The following FAM83B variants were observed in gnomAD, a reference collection of about 807,000 sequenced individuals.
The protein encoded by FAM83B is protein FAM83B.
FAM83B carries 26 observed loss-of-function variants against 38.8 expected under a neutral mutation model. That is an observed-to-expected ratio of 0.67 (90% CI 0.49 to 0.93). The LOEUF (loss-of-function observed/expected upper bound fraction) is 0.93. Ranked by LOEUF, FAM83B falls within the 40% of genes least tolerant of loss-of-function variation. The probability of loss-of-function intolerance (pLI) is 0.00; values close to 1 mark genes in which losing one functional copy is unlikely to be tolerated. For synonymous variants in FAM83B, 419 were observed against 423.1 expected (o/e 0.99, Z 0.12); for missense variants, 1,237 against 1,197.3 (o/e 1.03, Z -0.49).
At chr6:54,918,186 G>T (rs1773089712) in intron 2 of FAM83B, among the ~76,000 whole-genome samples, 1 of 152,114 alleles carries the variant, frequency 6.6e-6, no homozygotes, top group South Asian at 2.1e-4. Context: ...GAAAAATTAT[G>T]AATGCTTCAT....
Position 54,870,768 on chromosome 6 carries a change from G to A in FAM83B, c.444+78G>A, listed in dbSNP as rs897451086. 2.8e-5 allele frequency: 36 copies of A among 1,302,464 alleles called. No individual in the cohort carries two copies. In the African/African-American group the frequency reaches 5.2e-4, roughly 19 times the overall value. The allele number at this position is 1,302,464 out of a possible 1,614,324, so 80.7% of individuals were successfully genotyped here. A position where few individuals can be genotyped will look rare whatever the true frequency, so the allele number is the denominator to read the frequency against. ...AGAGAGTAATAACACAAATATGTAT[G>A]TTAATAAAAGAATCTCTATATGTAT... On this transcript the variant is annotated intron_variant, in intron 2 of 4. Transcript: ENST00000306858.
chr6:54,936,099 C>T (rs2127590629), intron 4 of FAM83B, among the ~76,000 whole-genome samples: 1 of 152,190 alleles, frequency 6.6e-6, no homozygotes, highest in Middle Eastern at 3.4e-3. Context: ...TAGAAATCAC[C>T]TACGATAATA....
chr6:54,905,080 A>G (rs1309881736), intron 2 of FAM83B, among the ~76,000 whole-genome samples: 1 of 151,396 alleles, frequency 6.6e-6, no homozygotes, highest in Admixed American at 6.8e-5. Flanking sequence ...CAGGGCACCT[A>G]GTGGGAATAA....
At chr6:54,904,814 T>C (rs1471469836) in intron 2 of FAM83B, among the ~76,000 whole-genome samples, 1 of 152,152 alleles carries the variant, frequency 6.6e-6, no homozygotes, top group African/African-American at 2.4e-5. Context: ...TGGCAAATAC[T>C]ACCAGCTTTG....
chr6:54,849,259 G>A (rs1771210116), intron 1 of FAM83B, among the ~76,000 whole-genome samples: 2 of 152,184 alleles, frequency 1.3e-5, no homozygotes. Context: ...CCTTCAGTGG[G>A]AGCTTCCTTC....
At chr6:54,932,951 A>T (rs1377648388) in intron 4 of FAM83B, among the ~76,000 whole-genome samples, 1 of 152,130 alleles carries the variant, frequency 6.6e-6, no homozygotes, top group Non-Finnish European at 1.5e-5. Context: ...TTTTGGATTT[A>T]TCCCAGTTTG....
At chr6:54,894,875 G>T (rs911855890) in intron 2 of FAM83B, among the ~76,000 whole-genome samples, 1 of 152,216 alleles carries the variant, frequency 6.6e-6, no homozygotes, top group South Asian at 2.1e-4. Flanking sequence ...GATCCAGACT[G>T]CCTGGCTTTG....
chr6:54,919,789 A>G (rs1486330210), intron 2 of FAM83B, among the ~76,000 whole-genome samples: 1 of 151,968 alleles, frequency 6.6e-6, no homozygotes, highest in African/African-American at 2.4e-5. Flanking sequence ...ATGTCTATTT[A>G]TATTATTTTA....
In FAM83B at chr6:54,940,863, A is replaced by G; in HGVS notation, c.1892A>G (p.His631Arg). The G allele has an allele frequency of 6.2e-7, 1 of 1,614,066 alleles. No homozygotes were observed. Among genetic ancestry groups the G allele is most frequent in the Non-Finnish European group, 8.5e-7 (1 of 1,179,976 alleles). The change falls in exon 5 of 5, where the codon CAT becomes CGT. Residue 631 changes from histidine (H) to arginine (R), a missense_variant. Coordinates refer to ENST00000306858, the MANE Select transcript of FAM83B (RefSeq NM_001010872.3). ...SVALNQTTNG[H>R]TESNNYIYKT... is the part of the protein sequence containing the mutation. ...GCCTTAAACCAAACTACAAATGGCC[A>G]TACTGAATCAAATAACTATATATAT...
At chr6:54,888,430 A>G (rs779170828) in intron 2 of FAM83B, among the ~76,000 whole-genome samples, 2 of 151,864 alleles carry the variant, frequency 1.3e-5, no homozygotes, top group Non-Finnish European at 1.5e-5. Flanking sequence ...TTTTGTTACC[A>G]GTCTGTTGGC....
chr6:54,905,464 A>T (rs949858623), intron 2 of FAM83B, among the ~76,000 whole-genome samples: 1 of 152,204 alleles, frequency 6.6e-6, no homozygotes, highest in Middle Eastern at 3.2e-3. Context: ...GCTAATTAAC[A>T]TATCTTTCAC....
intron 1 of FAM83B, among the ~76,000 whole-genome samples, chr6:54,858,544 C>A (rs991813110): frequency 6.6e-6 from 1 of 151,314 alleles, no homozygotes; most frequent in Non-Finnish European, 1.5e-5. Flanking sequence ...ATATACATAA[C>A]CATAATTTAT....
intron 2 of FAM83B, among the ~76,000 whole-genome samples, chr6:54,881,281 C>T (rs1253509054): frequency 1.3e-5 from 2 of 152,176 alleles, no homozygotes; most frequent in Non-Finnish European, 2.9e-5. Flanking sequence ...CATACCAGTG[C>T]TGATATGGTG....
In FAM83B at chr6:54,940,854, C is replaced by A. The variant is rs1773664879; in HGVS notation, c.1883C>A (p.Thr628Lys). Residue 628 changes from threonine to lysine, a missense_variant, in exon 5 of 5, where the codon ACA becomes AAA. Physicochemically the swap from Thr to Lys is moderately conservative, Grantham distance 78. Coordinates refer to ENST00000306858, the MANE Select transcript of FAM83B (RefSeq NM_001010872.3). ...CACTCAGTAGCCTTAAACCAAACTACAAATGGCCATACTGAATCAAATAAC... is the reference window on the plus strand; with the variant it reads ...CACTCAGTAGCCTTAAACCAAACTAAAAATGGCCATACTGAATCAAATAAC... ...ENHSVALNQT[T>K]NGHTESNNYI... 1 of 1,614,024 alleles carries A rather than the reference C, an allele frequency of 6.2e-7. No individual in the cohort carries two copies. Among genetic ancestry groups the A allele is most frequent in the Non-Finnish European group, 8.5e-7 (1 of 1,179,996 alleles).
rs1004934750 is a variant in FAM83B, at chr6:54,944,206, C to T, written c.*2199C>T. 1.3e-5 allele frequency: 2 copies of T among 152,174 alleles called. No homozygotes were observed. Among genetic ancestry groups the T allele is most frequent in the Non-Finnish European group, 2.9e-5 (2 of 68,028 alleles). 9.4% of individuals were successfully genotyped at this position (152,174 alleles called of 1,614,324 possible). A position where few individuals can be genotyped will look rare whatever the true frequency, so the allele number is the denominator to read the frequency against. ...TAATACTTCAAAAAATGTACAGCTA[C>T]TGTTTAAGTTTTAAACAGACACCAT... On this transcript the variant is annotated 3_prime_UTR_variant, in exon 5 of 5. Coordinates refer to ENST00000306858, the MANE Select transcript of FAM83B (RefSeq NM_001010872.3).
chr6:54,877,547 A>T (rs1772029426), intron 2 of FAM83B, among the ~76,000 whole-genome samples: 1 of 152,212 alleles, frequency 6.6e-6, no homozygotes, highest in African/African-American at 2.4e-5. Context: ...TCTTGTAAAA[A>T]GTTGGGCGAC....
At chr6:54,923,051 G>A (rs533134020) in intron 2 of FAM83B, among the ~76,000 whole-genome samples, 35 of 151,964 alleles carry the variant, frequency 2.3e-4, no homozygotes, top group Middle Eastern at 3.4e-3. Flanking sequence ...TTCAAAAGTA[G>A]GAAGAATAGT....
In FAM83B at chr6:54,941,038, C is replaced by T. The variant is rs1382141731; in HGVS notation, c.2067C>T (p.Thr689=). 1.2e-6 allele frequency: 2 copies of T among 1,613,468 alleles called. No individual in the cohort carries two copies. The highest frequency in any genetic ancestry group is 1.7e-6 in the Non-Finnish European group (2 of 1,179,920). ...AGCATTATGTATATAGTACACTTAC[C>T]AGGAATCGAGTTAGACAACCAGAAA... ...NSKHYVYSTL[T]RNRVRQPEKP... is the part of the protein sequence containing the mutation. Residue 689 remains threonine (T), a synonymous_variant, in exon 5 of 5, where the codon ACC becomes ACT. Coordinates refer to ENST00000306858, the MANE Select transcript of FAM83B (RefSeq NM_001010872.3).
intron 2 of FAM83B, among the ~76,000 whole-genome samples, chr6:54,896,229 A>G (rs536833328): frequency 2.0e-4 from 31 of 152,336 alleles, no homozygotes; most frequent in Non-Finnish European, 5.9e-5. Flanking sequence ...AAAAAAATAC[A>G]ACCATTGATA....
Sources: allele counts gnomAD v4.1 joint callset (sites outside exome capture counted in the v4.1 genomes callset), GRCh38; gene constraint gnomAD v4.1.1; transcripts MANE v1.5; gene names NCBI Gene and HGNC (gene_info 2026-07-23, HGNC 2026-07-21).